The following RPGRIP1 variants were observed in gnomAD, a reference collection of about 807,000 sequenced individuals.
RPGRIP1 encodes the protein RPGR interacting protein 1.
A neutral mutation model predicts 157.9 loss-of-function variants in RPGRIP1; 128 were observed. The observed-to-expected ratio is 0.81, with a 90% CI of 0.70 to 0.94. RPGRIP1 has a LOEUF of 0.94. Among genes scored for constraint, RPGRIP1 ranks in the 40% least tolerant of loss-of-function variants. The pLI is 0.00. For synonymous variants in RPGRIP1, 554 were observed against 571.6 expected, an observed-to-expected ratio of 0.97 and a Z score of 0.44; for missense variants, 1,486 against 1,545.8, an observed-to-expected ratio of 0.96 and a Z score of 0.65.
chr14:21,349,258 C>T (rs1885904527), intron 24 of RPGRIP1, among the ~76,000 whole-genome samples: 2 of 151,194 alleles, frequency 1.3e-5, no homozygotes, highest in African/African-American at 2.4e-5. Flanking sequence ...TTAGTAGAGA[C>T]GGGCTTTCAC....
intron 18 of RPGRIP1, among the ~76,000 whole-genome samples, chr14:21,328,111 G>C (rs1303459034): frequency 6.6e-6 from 1 of 152,128 alleles, no homozygotes; most frequent in Non-Finnish European, 1.5e-5. Context: ...GGAGGTTGCG[G>C]CGAGCCGAGA....
chr14:21,289,133 C>T (rs1464663927), intron 2 of RPGRIP1, among the ~76,000 whole-genome samples: 1 of 151,964 alleles, frequency 6.6e-6, no homozygotes, highest in Non-Finnish European at 1.5e-5. Context: ...CGAGACCATC[C>T]TGGCTAACAT....
At chr14:21,308,472 G>A (rs1594180743) in intron 7 of RPGRIP1, among the ~76,000 whole-genome samples, 1 of 152,130 alleles carries the variant, frequency 6.6e-6, no homozygotes, top group Non-Finnish European at 1.5e-5. Context: ...GTTTATAGGA[G>A]TGAGAAAACA....
In RPGRIP1 at chr14:21,330,748, C is replaced by T. The variant is rs1427555534; in HGVS notation, c.3238+361C>T. Among the ~76,000 whole-genome samples, 4 of 152,248 alleles carry T rather than the reference C, an allele frequency of 2.6e-5. No individual in the cohort carries two copies. The East Asian group carries it at 7.7e-4, about 29-fold the overall frequency. ...AAGCTAGTTATTTACTTTTCTCCTT[C>T]ACCTTAGAATGCTAAAGTTTTCATG... On this transcript the variant is annotated intron_variant, in intron 20 of 24. Coordinates refer to ENST00000400017, the MANE Select transcript of RPGRIP1 (RefSeq NM_020366.4).
intron 2 of RPGRIP1, among the ~76,000 whole-genome samples, chr14:21,288,504 GTTCTTTTTTTTT>G (rs899605620): frequency 4.7e-5 from 7 of 147,970 alleles, no homozygotes; most frequent in African/African-American, 1.0e-4. Context: ...TTATTCTTAA[GTTCTTTTTTTTT>G]TTCTTTTTTT....
chr14:21,333,286 G>A (rs1236046789), intron 20 of RPGRIP1, among the ~76,000 whole-genome samples: 1 of 152,124 alleles, frequency 6.6e-6, no homozygotes, highest in Non-Finnish European at 1.5e-5. Flanking sequence ...GAAATGAAAA[G>A]GGCCTGATTT....
Position 21,344,366 on chromosome 14 carries a change from A to G in RPGRIP1, c.3533-747A>G, listed in dbSNP as rs567548647. On this transcript the variant is annotated intron_variant, in intron 22 of 24. Coordinates refer to ENST00000400017, the MANE Select transcript of RPGRIP1 (RefSeq NM_020366.4). ...AATAATCAAACCTGTCAAATTATCT[A>G]CTCATCTATTTTTTTCCTGAAGACC... Among the ~76,000 whole-genome samples the G allele has an allele frequency of 7.9e-5, 12 of 151,806 alleles. No homozygotes were observed. The East Asian group carries it at 2.1e-3, about 27-fold the overall frequency.
At chr14:21,281,787 C>T (rs936153511) in intron 1 of RPGRIP1, among the ~76,000 whole-genome samples, 1 of 149,794 alleles carries the variant, frequency 6.7e-6, no homozygotes, top group East Asian at 1.9e-4. Flanking sequence ...CCCAGTGATA[C>T]AGAGTGTAAA....
In RPGRIP1 at chr14:21,316,667, C is replaced by T. The variant is rs181493361; in HGVS notation, c.1152-1029C>T. ...TCCTGACCTCATGATCTGCCCTCCT[C>T]GGCCTCCCAAAGTGTTGCGATTGCA... On this transcript the variant is annotated intron_variant, in intron 10 of 24. Transcript: ENST00000400017. Among the ~76,000 whole-genome samples, 705 of 152,304 alleles carry T rather than the reference C, an allele frequency of 4.6e-3. 5 individuals are homozygous for T. Among genetic ancestry groups the T allele is most frequent in the African/African-American group, 0.016 (668 of 41,556 alleles).
Position 21,347,886 on chromosome 14 carries a change from C to T in RPGRIP1, c.3618-286C>T, listed in dbSNP as rs527948714. 9.2e-5 allele frequency among the ~76,000 whole-genome samples: 14 copies of T among 152,128 alleles called. No homozygotes were observed. The South Asian group carries it at 2.5e-3, about 27-fold the overall frequency. On this transcript the variant is annotated intron_variant, in intron 23 of 24. Transcript: ENST00000400017. ...GACTATAGGTGTGTGCCACCATGCCCGGCTAATTTTTTATTTTTTTTGTAG... is the reference window on the plus strand; with the variant it reads ...GACTATAGGTGTGTGCCACCATGCCTGGCTAATTTTTTATTTTTTTTGTAG...
chr14:21,316,940 T>C (rs939732156), intron 10 of RPGRIP1, among the ~76,000 whole-genome samples: 3 of 151,914 alleles, frequency 2.0e-5, no homozygotes, highest in East Asian at 3.9e-4. Context: ...GCCAACATTG[T>C]AAAACCCCGT....
At chr14:21,284,288 C>G (rs2139127756) in intron 1 of RPGRIP1, among the ~76,000 whole-genome samples, 1 of 152,040 alleles carries the variant, frequency 6.6e-6, no homozygotes, top group Non-Finnish European at 1.5e-5. Flanking sequence ...CTAGCTTCAA[C>G]AAAAAGGGAG....
chr14:21,330,654 GC>G (rs1414706966), intron 20 of RPGRIP1, among the ~76,000 whole-genome samples: 1 of 152,026 alleles, frequency 6.6e-6, no homozygotes, highest in Non-Finnish European at 1.5e-5. Flanking sequence ...GGGCGACAGA[GC>G]GAGACTCCAT....
intron 6 of RPGRIP1, among the ~76,000 whole-genome samples, chr14:21,306,110 GTCTTTTTTT>G (rs1881290180): frequency 1.2e-5 from 1 of 84,880 alleles, no homozygotes; most frequent in Non-Finnish European, 2.2e-5. Flanking sequence ...AGGAATAATA[GTCTTTTTTT>G]TTTTTTTTTT....
chr14:21,286,415 A>T (rs1880302328), intron 1 of RPGRIP1, among the ~76,000 whole-genome samples: 1 of 151,814 alleles, frequency 6.6e-6, no homozygotes, highest in South Asian at 2.1e-4. Context: ...CTGGGAAAAG[A>T]TGAGACTGGT....
chr14:21,306,921 G>A (rs1182308537), intron 6 of RPGRIP1, among the ~76,000 whole-genome samples: 1 of 150,692 alleles, frequency 6.6e-6, no homozygotes, highest in Non-Finnish European at 1.5e-5. Flanking sequence ...GACTACAGGT[G>A]CGCACCACCA....
intron 1 of RPGRIP1, among the ~76,000 whole-genome samples, chr14:21,281,192 A>T (rs1880112111): frequency 6.6e-6 from 1 of 151,750 alleles, no homozygotes; most frequent in Admixed American, 6.6e-5. Context: ...TAATTTTTGC[A>T]TTTTTAGTAG....
intron 3 of RPGRIP1, 44 bp downstream of exon 3, chr14:21,294,853 TTTTTTTTTTGA>T: frequency 9.9e-7 from 1 of 1,010,942 alleles, no homozygotes; most frequent in East Asian, 3.5e-5. Context: ...TTTTTTTTTT[TTTTTTTTTTGA>T]GACGGAGCCT....
At chr14:21,312,367 CAG>C (rs1881575292) in intron 9 of RPGRIP1, 64 bp from the exon 10 acceptor site, 8 of 1,137,038 alleles carry the variant, frequency 7.0e-6, no homozygotes. Context: ...CTGCCATGGA[CAG>C]GGGAAATCCT....
Sources: gnomAD v4.1 joint callset for allele counts (sites outside exome capture counted in the v4.1 genomes callset) on GRCh38, gnomAD v4.1.1 for gene constraint, MANE v1.5 for transcripts, NCBI Gene and HGNC (gene_info 2026-07-23, HGNC 2026-07-21) for gene names.